UBP1: variants seen among roughly 807,000 people sequenced by gnomAD.
UBP1 encodes the protein upstream-binding protein 1.
In UBP1, 22 loss-of-function variants were observed where a neutral mutation model predicts 76.1. That is an observed-to-expected ratio of 0.29 (90% CI 0.21 to 0.41). The LOEUF is 0.41. UBP1 is among the 10% of genes least tolerant of loss of function. The pLI is 1.00. For missense variants in UBP1, 436 were observed against 668.1 expected (o/e 0.65, Z 3.83); for synonymous variants, 224 against 237.1 (o/e 0.94, Z 0.51).
chr3:33,419,469 A>C (rs2044826321), intron 2 of UBP1, among the ~76,000 whole-genome samples: 1 of 152,164 alleles, frequency 6.6e-6, no homozygotes, highest in African/African-American at 2.4e-5. Flanking sequence ...CTCTACTAAA[A>C]ATGCAAAAAC....
chr3:33,412,675 G>C (rs760908916), intron 4 of UBP1, 47 bp downstream of exon 4: 1 of 1,248,282 alleles, frequency 8.0e-7, no homozygotes, highest in Non-Finnish European at 1.2e-6. Flanking sequence ...ACTGGCTATA[G>C]CTAAACAATA....
At chr3:33,415,332 G>A (rs995894118) in intron 3 of UBP1, among the ~76,000 whole-genome samples, 5 of 152,210 alleles carry the variant, frequency 3.3e-5, no homozygotes, top group Non-Finnish European at 7.3e-5. Context: ...GGATGTCAAA[G>A]TTTGTTATAT....
intron 1 of UBP1, among the ~76,000 whole-genome samples, chr3:33,434,854 T>C (rs1390012970): frequency 6.6e-6 from 1 of 151,116 alleles, no homozygotes; most frequent in Non-Finnish European, 1.5e-5. Context: ...GCCCAGCTAA[T>C]TTTCGTATTT....
chr3:33,423,991 G>C (rs550930711), intron 2 of UBP1, among the ~76,000 whole-genome samples: 6 of 152,356 alleles, frequency 3.9e-5, no homozygotes, highest in South Asian at 4.1e-4. Context: ...GCTTTAAACA[G>C]GGTGTATATG....
At chr3:33,425,996 AAT>A (rs60739079) in intron 1 of UBP1, among the ~76,000 whole-genome samples, 3,092 of 54,492 alleles carry the variant, frequency 0.057, 48 homozygotes, top group Middle Eastern at 0.09. Flanking sequence ...GGCAGCTCTG[AAT>A]ATATATATAT....
At position 33,425,996 on chromosome 3, in the gene UBP1, A is replaced by AATAAAT. The variant is rs1404753322; in HGVS notation, c.114-256_114-255insATTTAT. Reference sequence around the variant, plus strand: ...GGGGGAGGGCGGCAGGGCAGCTCTGAATATATATATATATATATATATATA... The same window carrying AATAAAT: ...GGGGGAGGGCGGCAGGGCAGCTCTGAATAAATATATATATATATATATATATATATA... On this transcript the variant is annotated intron_variant, in intron 1 of 15. Coordinates refer to ENST00000283629, the MANE Select transcript of UBP1 (RefSeq NM_014517.5). Among the ~76,000 whole-genome samples, 62 of 55,134 alleles carry AATAAAT rather than the reference A, an allele frequency of 1.1e-3. 3 individuals are homozygous for AATAAAT. The highest frequency in any genetic ancestry group is 5.2e-3 in the African/African-American group (61 of 11,670). 36.2% of individuals were successfully genotyped at this position (55,134 alleles called of 152,430 possible).
At chr3:33,419,518 C>T (rs1372232390) in intron 2 of UBP1, among the ~76,000 whole-genome samples, 1 of 151,990 alleles carries the variant, frequency 6.6e-6, no homozygotes, top group Non-Finnish European at 1.5e-5. Context: ...ATGCCAGCTA[C>T]TCCAGAGGCT....
chr3:33,409,118 T>C, intron 7 of UBP1, 118 bp downstream of exon 7: 1 of 968,696 alleles, frequency 1.0e-6, no homozygotes, highest in Non-Finnish European at 1.6e-6. Flanking sequence ...TCACAGAGAA[T>C]AACATGTCAA....
chr3:33,403,943 C>G (rs1313759688), intron 8 of UBP1, among the ~76,000 whole-genome samples: 1 of 152,120 alleles, frequency 6.6e-6, no homozygotes, highest in African/African-American at 2.4e-5. Flanking sequence ...AACTATAGCC[C>G]TGGGGTTTAA....
intron 2 of UBP1, among the ~76,000 whole-genome samples, chr3:33,421,185 G>A (rs181063270): frequency 3.5e-4 from 54 of 152,278 alleles, no homozygotes; most frequent in Admixed American, 2.7e-3. Context: ...CCACCCTCTG[G>A]TGGCTCCATT....
intron 2 of UBP1, among the ~76,000 whole-genome samples, chr3:33,420,577 C>A (rs747875233): frequency 1.3e-5 from 2 of 151,968 alleles, no homozygotes; most frequent in Non-Finnish European, 2.9e-5. Context: ...CAACCTCCGC[C>A]TCCTGGGTTC....
At chr3:33,426,463 A>G (rs2045020044) in intron 1 of UBP1, among the ~76,000 whole-genome samples, 1 of 152,146 alleles carries the variant, frequency 6.6e-6, no homozygotes, top group Admixed American at 6.5e-5. Context: ...TCATAAAGTC[A>G]CCCTTTTAAA....
At chr3:33,416,926 A>G in intron 2 of UBP1, 92 bp from the exon 3 acceptor site, 1 of 1,070,574 alleles carries the variant, frequency 9.3e-7, no homozygotes. Context: ...CAGAACATAC[A>G]TTACACAATG....
chr3:33,439,703 C>CA (rs1203849384), intron 1 of UBP1, 33 bp downstream of exon 1: 1 of 1,606,178 alleles, frequency 6.2e-7, no homozygotes, highest in Non-Finnish European at 8.5e-7. Flanking sequence ...CCCAAGGAGA[C>CA]AGAGGCTTCT....
chr3:33,424,784 G>A (rs941115121), intron 2 of UBP1, among the ~76,000 whole-genome samples: 10 of 152,164 alleles, frequency 6.6e-5, no homozygotes, highest in Admixed American at 5.9e-4. Context: ...AATGGCTCAC[G>A]CCTGTAATCC....
Position 33,439,313 on chromosome 3 carries a change from G to A in UBP1, c.113+423C>T, listed in dbSNP as rs1326890092. On this transcript the variant is annotated intron_variant, in intron 1 of 15. Transcript: ENST00000283629. ...GCAGCCAGAAAAGATCATAATGTAGGACAACAAAGTAGGAACTGATCCCAA... is the reference window on the plus strand; with the variant it reads ...GCAGCCAGAAAAGATCATAATGTAGAACAACAAAGTAGGAACTGATCCCAA... Among the ~76,000 whole-genome samples, 120 of 152,174 alleles carry A rather than the reference G, an allele frequency of 7.9e-4. 2 individuals carry two copies. Among genetic ancestry groups the A allele is most frequent in the Non-Finnish European group, 2.2e-4 (15 of 68,034 alleles).
chr3:33,401,098 T>G, intron 9 of UBP1, 82 bp from the exon 10 acceptor site: 1 of 1,319,934 alleles, frequency 7.6e-7, no homozygotes, highest in Non-Finnish European at 1.0e-6. Context: ...GCTGTTGCAT[T>G]GTAACTATGC....
In UBP1 at chr3:33,392,700, C is replaced by A. The variant is rs947430763; in HGVS notation, c.1534-86G>T. 10 of 1,291,798 alleles carry A rather than the reference C, an allele frequency of 7.7e-6. No individual in the cohort carries two copies. The African/African-American group carries it at 1.3e-4, about 17-fold the overall frequency. 80.0% of individuals were successfully genotyped at this position (1,291,798 alleles called of 1,614,324 possible). On this transcript the variant is annotated intron_variant, in intron 14 of 15. Transcript: ENST00000283629. ...ATTTTAAAACAGTAAATATTCTTCT[C>A]AAACAAACACAGGACTCAATGGCCA...
intron 12 of UBP1, chr3:33,396,751 TAGA>T (rs1223461387): frequency 3.4e-6 from 2 of 580,978 alleles, no homozygotes; most frequent in East Asian, 4.0e-5. Context: ...TCACCTAAAT[TAGA>T]AGTTTTGTTT....
Sources: allele counts gnomAD v4.1 joint callset (sites outside exome capture counted in the v4.1 genomes callset), GRCh38; gene constraint gnomAD v4.1.1; transcripts MANE v1.5; gene names NCBI Gene and HGNC (gene_info 2026-07-23, HGNC 2026-07-21).